Variants in CNTNAP2 observed in about 807,000 individuals in gnomAD.
CNTNAP2 encodes the protein contactin associated protein 2.
In CNTNAP2, 98 loss-of-function variants were observed where a neutral mutation model predicts 155.2. The observed-to-expected ratio is 0.63, with a 90% confidence interval of 0.54 to 0.75. The LOEUF (loss-of-function observed/expected upper bound fraction) is 0.75, where lower values mean the gene tolerates loss of function less well. Among genes scored for constraint, CNTNAP2 ranks in the 30% least tolerant of loss-of-function variants. CNTNAP2 has a pLI of 0.00. For synonymous variants in CNTNAP2, 651 were observed against 631.2 expected (o/e 1.03, Z -0.47); for missense variants, 1,727 against 1,688.1 (o/e 1.02, Z -0.40).
chr7:146,277,792 C>A (rs1800187296), intron 1 of CNTNAP2, among the ~76,000 whole-genome samples: 1 of 152,110 alleles, frequency 6.6e-6, no homozygotes, highest in South Asian at 2.1e-4. Context: ...AACAGGAACA[C>A]TTGGTCTGGC....
intron 15 of CNTNAP2, among the ~76,000 whole-genome samples, chr7:148,116,822 G>C (rs1437823715): frequency 6.6e-6 from 1 of 152,196 alleles, no homozygotes; most frequent in Admixed American, 6.5e-5. Flanking sequence ...TGTATGAATA[G>C]AAACTAATGG....
At chr7:146,935,288 G>A (rs528226647) in intron 3 of CNTNAP2, among the ~76,000 whole-genome samples, 1 of 152,158 alleles carries the variant, frequency 6.6e-6, no homozygotes, top group Non-Finnish European at 1.5e-5. Flanking sequence ...GAGGTCTTCT[G>A]TGTGCACTTA....
Position 147,866,235 on chromosome 7 carries a change from G to C in CNTNAP2, c.2099-37330G>C, listed in dbSNP as rs867945536. ...AGTTTCCATGTAGTTGTGTGATTTT[G>C]AATGAGTTTCTTAATGCTGAGTTCT... On this transcript the variant is annotated intron_variant, in intron 13 of 23. Transcript: ENST00000361727. Among the ~76,000 whole-genome samples the C allele has an allele frequency of 3.2e-4, 49 of 152,300 alleles. 1 individual carries two copies. The highest frequency in any genetic ancestry group is 1.0e-3 in the African/African-American group (42 of 41,572).
chr7:148,164,699 C>T (rs991712265), intron 17 of CNTNAP2, among the ~76,000 whole-genome samples: 1 of 141,832 alleles, frequency 7.1e-6, no homozygotes, highest in African/African-American at 2.7e-5. Context: ...TGGCTCATTG[C>T]AAGCTCCACC....
intron 1 of CNTNAP2, among the ~76,000 whole-genome samples, chr7:146,434,680 C>G (rs188569411): frequency 3.3e-5 from 5 of 152,040 alleles, no homozygotes; most frequent in South Asian, 4.1e-4. Flanking sequence ...AATAACGGCA[C>G]AATTATGTAG....
At chr7:146,722,842 C>T (rs1801362413) in intron 1 of CNTNAP2, among the ~76,000 whole-genome samples, 1 of 152,052 alleles carries the variant, frequency 6.6e-6, no homozygotes, top group Non-Finnish European at 1.5e-5. Flanking sequence ...TGATGAAACA[C>T]TATCTCTACT....
intron 1 of CNTNAP2, among the ~76,000 whole-genome samples, chr7:146,161,696 A>G (rs547605755): frequency 1.3e-5 from 2 of 152,324 alleles, no homozygotes; most frequent in South Asian, 4.1e-4. Context: ...AAGAGCCCGC[A>G]TTGCCAAGAC....
At chr7:146,472,643 C>T (rs1796817071) in intron 1 of CNTNAP2, among the ~76,000 whole-genome samples, 1 of 152,120 alleles carries the variant, frequency 6.6e-6, no homozygotes, top group Non-Finnish European at 1.5e-5. Flanking sequence ...AGCTTTAAAT[C>T]AATATAGATT....
At chr7:148,126,565 T>A (rs1248590296) in intron 16 of CNTNAP2, among the ~76,000 whole-genome samples, 1 of 152,166 alleles carries the variant, frequency 6.6e-6, no homozygotes, top group East Asian at 1.9e-4. Flanking sequence ...TGAAATGGAA[T>A]TTTGTAGGTT....
intron 15 of CNTNAP2, among the ~76,000 whole-genome samples, chr7:148,072,159 C>T (rs558135504): frequency 2.6e-5 from 4 of 152,218 alleles, no homozygotes; most frequent in South Asian, 4.1e-4. Context: ...CCTACCTTTA[C>T]CCCTGAGTTC....
chr7:146,317,916 C>T (rs994743543), intron 1 of CNTNAP2, among the ~76,000 whole-genome samples: 1 of 152,088 alleles, frequency 6.6e-6, no homozygotes, highest in East Asian at 1.9e-4. Flanking sequence ...CGAAGGAGGG[C>T]GGATCACGAG....
At chr7:147,749,126 T>A (rs1325674889) in intron 13 of CNTNAP2, among the ~76,000 whole-genome samples, 1 of 152,178 alleles carries the variant, frequency 6.6e-6, no homozygotes, top group African/African-American at 2.4e-5. Flanking sequence ...GTCAAAAGAA[T>A]AAAATAAAAA....
intron 1 of CNTNAP2, among the ~76,000 whole-genome samples, chr7:146,699,633 G>A (rs111296222): frequency 0.023 from 3,524 of 152,184 alleles, 78 homozygotes; most frequent in Middle Eastern, 0.058. Context: ...CCATTGGGCT[G>A]TAGTAAACTA....
At chr7:147,662,717 A>G (rs1795632470) in intron 13 of CNTNAP2, among the ~76,000 whole-genome samples, 1 of 152,170 alleles carries the variant, frequency 6.6e-6, no homozygotes, top group Non-Finnish European at 1.5e-5. Context: ...CCTTTGGGCT[A>G]GTACACTTAT....
At chr7:146,164,819 A>C (rs1176486566) in intron 1 of CNTNAP2, among the ~76,000 whole-genome samples, 1 of 152,152 alleles carries the variant, frequency 6.6e-6, no homozygotes, top group Non-Finnish European at 1.5e-5. Flanking sequence ...TAAAAAGACA[A>C]TTTGTGTTTA....
chr7:147,604,746 G>A (rs1342255534), intron 12 of CNTNAP2, among the ~76,000 whole-genome samples: 1 of 152,096 alleles, frequency 6.6e-6, no homozygotes, highest in East Asian at 1.9e-4. Flanking sequence ...TTTAGACAAG[G>A]GGGTCATGTT....
intron 13 of CNTNAP2, among the ~76,000 whole-genome samples, chr7:147,842,582 CTTTTCTT>C (rs894000166): frequency 1.8e-4 from 10 of 55,168 alleles, no homozygotes; most frequent in Non-Finnish European, 2.5e-4. Context: ...TTACTTTTTA[CTTTTCTT>C]TTTTTTTTTT....
chr7:147,475,773 CTT>C (rs1343361412), intron 10 of CNTNAP2, among the ~76,000 whole-genome samples: 1 of 152,144 alleles, frequency 6.6e-6, no homozygotes, highest in African/African-American at 2.4e-5. Context: ...ACGTTTAAAT[CTT>C]TCATCTATCT....
intron 20 of CNTNAP2, among the ~76,000 whole-genome samples, chr7:148,263,863 T>C (rs1796620557): frequency 6.6e-6 from 1 of 152,172 alleles, no homozygotes; most frequent in South Asian, 2.1e-4. Context: ...CTAGGAATTT[T>C]ATTTTACTGT....
Sources: allele counts gnomAD v4.1 joint callset (sites outside exome capture counted in the v4.1 genomes callset), GRCh38; gene constraint gnomAD v4.1.1; transcripts MANE v1.5; gene names NCBI Gene and HGNC (gene_info 2026-07-23, HGNC 2026-07-21).